HADHA: variants seen among roughly 807,000 people sequenced by gnomAD.
HADHA encodes the protein hydroxyacyl-CoA dehydrogenase trifunctional multienzyme complex subunit alpha, also known as trifunctional enzyme subunit alpha, mitochondrial.
A neutral mutation model predicts 91.3 loss-of-function variants in HADHA; 59 were observed. The observed-to-expected ratio is 0.65, with a 90% CI of 0.52 to 0.80. HADHA has a LOEUF of 0.80. Among genes scored for constraint, HADHA ranks in the 30% least tolerant of loss-of-function variants. The pLI is 0.00. For missense variants in HADHA, 800 were observed against 927.6 expected, an observed-to-expected ratio of 0.86 and a Z score of 1.79; for synonymous variants, 320 against 338.9, an observed-to-expected ratio of 0.94 and a Z score of 0.61.
In HADHA at chr2:26,194,993, G is replaced by T. The variant is rs558719545; in HGVS notation, c.1620+99C>A. ...CCAGGGGAAAATCATATCAAAGTCT[G>T]GTCATTTGCCCCAGAATATTTATAA... On this transcript the variant is annotated intron_variant, in intron 15 of 19. Coordinates refer to ENST00000380649, the MANE Select transcript of HADHA (RefSeq NM_000182.5). 2.4e-4 allele frequency: 244 copies of T among 1,028,044 alleles called. 1 individual carries two copies. The highest frequency in any genetic ancestry group is 3.5e-4 in the Non-Finnish European group (227 of 647,052). 63.7% of individuals were successfully genotyped at this position (1,028,044 alleles called of 1,614,324 possible).
At position 26,226,099 on chromosome 2, in the gene HADHA, A is replaced by C. The variant is rs547496907; in HGVS notation, c.676+4093T>G. 4.1e-4 allele frequency among the ~76,000 whole-genome samples: 63 copies of C among 152,330 alleles called. 1 individual carries two copies. Among genetic ancestry groups the C allele is most frequent in the African/African-American group, 1.5e-3 (61 of 41,582 alleles). ...GTAAAACAGCCTACAAGTATGAAAT[A>C]CCTAGGCATAAATTTAACAAAATGT... On this transcript the variant is annotated intron_variant, in intron 7 of 19. Transcript: ENST00000380649.
rs145182116 is a variant in HADHA at position 26,204,224 on chromosome 2, G to C, written c.1086-28C>G. 439 of 1,609,442 alleles carry C rather than the reference G, an allele frequency of 2.7e-4. 4 individuals are homozygous for C. In the South Asian group the frequency reaches 4.5e-3, roughly 16 times the overall value. On this transcript the variant is annotated intron_variant, in intron 11 of 19. Transcript: ENST00000380649. ...GCAAGGCAAGGATGAAATGACTTTC[G>C]GTAAACTGATCTTAATCATTTCAGT...
At chr2:26,206,091 A>G (rs990065179) in intron 11 of HADHA, among the ~76,000 whole-genome samples, 1 of 152,062 alleles carries the variant, frequency 6.6e-6, no homozygotes, top group Non-Finnish European at 1.5e-5. Flanking sequence ...GCTTGAGCTC[A>G]GGAGTTTGAA....
intron 7 of HADHA, among the ~76,000 whole-genome samples, chr2:26,225,811 C>A (rs1350647240): frequency 6.6e-6 from 1 of 152,122 alleles, no homozygotes; most frequent in Admixed American, 6.5e-5. Flanking sequence ...GTTCTCATGA[C>A]TTCTATCCAG....
intron 14 of HADHA, among the ~76,000 whole-genome samples, chr2:26,195,904 T>C (rs534890039): frequency 4.6e-5 from 7 of 152,320 alleles, no homozygotes; most frequent in East Asian, 1.9e-4. Context: ...TGATGCGTGC[T>C]AAGGTTTCAG....
At chr2:26,205,571 G>A (rs1437837798) in intron 11 of HADHA, among the ~76,000 whole-genome samples, 1 of 152,190 alleles carries the variant, frequency 6.6e-6, no homozygotes, top group Non-Finnish European at 1.5e-5. Flanking sequence ...TGTAATCCCA[G>A]CTCTTTCTTT....
At chr2:26,202,623 C>T (rs899325428) in intron 12 of HADHA, among the ~76,000 whole-genome samples, 1 of 152,220 alleles carries the variant, frequency 6.6e-6, no homozygotes, top group Non-Finnish European at 1.5e-5. Context: ...TGCCTGTAGT[C>T]TCAGCTATTC....
In HADHA at chr2:26,197,729, T is replaced by C. The variant is rs746944577; in HGVS notation, c.1441A>G (p.Ile481Val). ...TTGCTGACAGCAGCGATTTCACTGA[T>C]TGGGAGAGCAGATGTGTTACTGGCA... is the stretch of plus-strand genomic sequence containing the variant. ...IFASNTSALP[I>V]SEIAAVSKRP... The change falls in exon 14 of 20, where the codon ATC becomes GTC. Residue 481 changes from isoleucine to valine, a missense_variant. Ile to Val is a conservative substitution (Grantham distance 29, BLOSUM62 3). Coordinates refer to ENST00000380649, the MANE Select transcript of HADHA (RefSeq NM_000182.5). 12 of 1,561,852 alleles carry C rather than the reference T, an allele frequency of 7.7e-6. No individual in the cohort carries two copies. The highest frequency in any genetic ancestry group is 2.2e-5 in the East Asian group (1 of 44,640).
intron 14 of HADHA, among the ~76,000 whole-genome samples, chr2:26,196,864 C>T (rs1013335681): frequency 6.6e-6 from 1 of 152,202 alleles, no homozygotes; most frequent in African/African-American, 2.4e-5. Context: ...TGTAGACTAT[C>T]GGCTGCAACT....
At chr2:26,206,158 T>A (rs1048155991) in intron 11 of HADHA, among the ~76,000 whole-genome samples, 12 of 149,846 alleles carry the variant, frequency 8.0e-5, no homozygotes, top group African/African-American at 2.7e-4. Context: ...ATAATAATAA[T>A]AAAAAGATGT....
rs907965615 is a variant in HADHA, at chr2:26,210,782, C to G, written c.976-893G>C. 1.3e-5 allele frequency: 2 copies of G among 152,164 alleles called. No homozygotes were observed. Among genetic ancestry groups the G allele is most frequent in the African/African-American group, 4.8e-5 (2 of 41,426 alleles). 9.4% of individuals were successfully genotyped at this position (152,164 alleles called of 1,614,324 possible). A position where few individuals can be genotyped will look rare whatever the true frequency, so the allele number is the denominator to read the frequency against. On this transcript the variant is annotated intron_variant, in intron 10 of 19. Coordinates refer to ENST00000380649, the MANE Select transcript of HADHA (RefSeq NM_000182.5). This position sits in a 1 kb window ranked among gnomAD's most constrained non-coding sequence, Gnocchi z 4.0. ...ATCTAGGATTTGACAGATCCTGTCT[C>G]TGCCACTGCCCCATTGTGAAGCTTT...
intron 11 of HADHA, among the ~76,000 whole-genome samples, chr2:26,207,423 T>C (rs1669997597): frequency 6.6e-6 from 1 of 152,024 alleles, no homozygotes; most frequent in Non-Finnish European, 1.5e-5. Context: ...GCTTTTTTGG[T>C]ATAACAGAAT....
intron 10 of HADHA, 73 bp downstream of exon 10, chr2:26,212,497 A>G: frequency 9.3e-7 from 1 of 1,069,770 alleles, no homozygotes. Flanking sequence ...TTCCTTTTTC[A>G]GCTTTATACA....
rs1670128059 is a variant in HADHA at position 26,212,560 on chromosome 2, A to G, written c.975+10T>C. The G allele has an allele frequency of 1.3e-6, 2 of 1,508,654 alleles. No individual in the cohort carries two copies. The highest frequency in any genetic ancestry group is 1.8e-6 in the Non-Finnish European group (2 of 1,083,540). 93.5% of individuals were successfully genotyped at this position (1,508,654 alleles called of 1,614,324 possible). On this transcript the variant is annotated intron_variant, in intron 10 of 19. Coordinates refer to ENST00000380649, the MANE Select transcript of HADHA (RefSeq NM_000182.5). ...ACTGATAATAAAACATTGAAAGGAA[A>G]TAAGTTTACCTGAGATTCACAGAGA...
At chr2:26,244,502 G>A in intron 1 of HADHA, 28 bp downstream of exon 1, 4 of 1,558,862 alleles carry the variant, frequency 2.6e-6, no homozygotes, top group Non-Finnish European at 3.5e-6. Flanking sequence ...CTGCCCGGAG[G>A]TCTGGGATGC....
Position 26,221,825 on chromosome 2 carries a change from C to T in HADHA, c.677-6650G>A, listed in dbSNP as rs1354051180. Among the ~76,000 whole-genome samples, 1 of 152,218 alleles carries T rather than the reference C, an allele frequency of 6.6e-6. No individual in the cohort carries two copies. Among genetic ancestry groups the T allele is most frequent in the Non-Finnish European group, 1.5e-5 (1 of 68,042 alleles). On this transcript the variant is annotated intron_variant, in intron 7 of 19. Transcript: ENST00000380649. This position sits in a 1 kb window ranked among gnomAD's most constrained non-coding sequence, Gnocchi z 4.8. ...TTAAGGACAGTGGTGAAGGGATAGC[C>T]TCCCAGTGGGCAGTACTTCTGACAG...
chr2:26,210,099 A>G lies in HADHA; in HGVS notation c.976-210T>C, dbSNP rs1670064421. Among the ~76,000 whole-genome samples, 1 of 152,164 alleles carries G rather than the reference A, an allele frequency of 6.6e-6. No individual in the cohort carries two copies. The highest frequency in any genetic ancestry group is 2.1e-4 in the South Asian group (1 of 4,828). ...CTTGTCTTATCTGGAGCACTTTCCA[A>G]CTACTGTGTTGAAGAAAGTTTTGGA... On this transcript the variant is annotated intron_variant, in intron 10 of 19. Transcript: ENST00000380649. The surrounding 1 kb of genome is among the most constrained non-coding windows in gnomAD (Gnocchi z 4.0).
chr2:26,215,377 G>A (rs1257113297), intron 7 of HADHA, among the ~76,000 whole-genome samples: 1 of 152,168 alleles, frequency 6.6e-6, no homozygotes, highest in African/African-American at 2.4e-5. Context: ...GCTCTAGGTA[G>A]AAAACGCGGT....
At chr2:26,209,506 A>G (rs1372083592) in intron 11 of HADHA, among the ~76,000 whole-genome samples, 1 of 152,120 alleles carries the variant, frequency 6.6e-6, no homozygotes, top group Non-Finnish European at 1.5e-5. Flanking sequence ...GTGGTTTGGG[A>G]AGGGGGACCT....
Sources: allele counts gnomAD v4.1 joint callset (sites outside exome capture counted in the v4.1 genomes callset), GRCh38; gene constraint gnomAD v4.1.1; non-coding constraint Gnocchi (gnomAD v3.1); transcripts MANE v1.5; gene names NCBI Gene and HGNC (gene_info 2026-07-23, HGNC 2026-07-21).